The following BICC1 variants were observed in gnomAD, a reference collection of about 807,000 sequenced individuals.
BICC1 encodes BicC family RNA binding protein 1, also known as protein bicaudal C homolog 1.
In BICC1, 43 loss-of-function variants were observed where a neutral mutation model predicts 111.0. The ratio of observed to expected loss-of-function variants is 0.39; its 90% CI spans 0.30 to 0.50. BICC1 has a LOEUF of 0.50. Among genes scored for constraint, BICC1 ranks in the 20% least tolerant of loss-of-function variants. The pLI is 0.88. For synonymous variants in BICC1, 467 were observed against 434.4 expected (o/e 1.07, Z -0.93); for missense variants, 1,091 against 1,203.2 (o/e 0.91, Z 1.38).
intron 10 of BICC1, among the ~76,000 whole-genome samples, chr10:58,798,127 G>A (rs1203585870): frequency 6.6e-6 from 1 of 152,126 alleles, no homozygotes; most frequent in East Asian, 1.9e-4. Context: ...CAAGCACCTG[G>A]TGATGTTCAA....
chr10:58,745,171 C>T (rs183731378), intron 3 of BICC1, among the ~76,000 whole-genome samples: 4 of 152,162 alleles, frequency 2.6e-5, no homozygotes, highest in African/African-American at 4.8e-5. Flanking sequence ...TATGGCTGTC[C>T]ATAAAGTATT....
intron 2 of BICC1, among the ~76,000 whole-genome samples, chr10:58,630,342 GA>G (rs1256349848): frequency 6.6e-6 from 1 of 152,192 alleles, no homozygotes; most frequent in Non-Finnish European, 1.5e-5. Flanking sequence ...GCAGAAGACA[GA>G]GGGGGAAAAA....
chr10:58,800,776 A>G (rs1423016285), intron 13 of BICC1, 114 bp from the exon 14 acceptor site: 1 of 1,043,446 alleles, frequency 9.6e-7, no homozygotes, highest in Non-Finnish European at 1.3e-6. Context: ...GGTCTCTGTC[A>G]GGTTAATCAT....
Position 58,599,439 on chromosome 10 carries a change from G to C in BICC1, c.191-21416G>C, listed in dbSNP as rs147564903. Among the ~76,000 whole-genome samples, 1,119 of 152,278 alleles carry C rather than the reference G, an allele frequency of 7.3e-3. 13 individuals carry two copies. The highest frequency in any genetic ancestry group is 0.026 in the African/African-American group (1,062 of 41,556). Reference sequence around the variant, plus strand: ...ACTGCATGTTCTCACTCATAAGTGGGAGTTGGACAGTGAGAACACATGGAC... The same window carrying C: ...ACTGCATGTTCTCACTCATAAGTGGCAGTTGGACAGTGAGAACACATGGAC... On this transcript the variant is annotated intron_variant, in intron 1 of 20. Coordinates refer to ENST00000373886, the MANE Select transcript of BICC1 (RefSeq NM_001080512.3).
intron 2 of BICC1, among the ~76,000 whole-genome samples, chr10:58,646,265 GT>G (rs1838266502): frequency 6.6e-6 from 1 of 152,090 alleles, no homozygotes; most frequent in African/African-American, 2.4e-5. Flanking sequence ...TTTTAAATGC[GT>G]TGATCATATT....
intron 1 of BICC1, among the ~76,000 whole-genome samples, chr10:58,553,833 T>C (rs1843366446): frequency 6.6e-6 from 1 of 151,786 alleles, no homozygotes. Flanking sequence ...TTTTGGAACT[T>C]TGTCAATAGA....
At chr10:58,529,787 A>G (rs1339351603) in intron 1 of BICC1, among the ~76,000 whole-genome samples, 1 of 151,850 alleles carries the variant, frequency 6.6e-6, no homozygotes, top group East Asian at 1.9e-4. Flanking sequence ...GTACACAGAA[A>G]GATCACCTTC....
At chr10:58,616,536 C>T (rs951211414) in intron 1 of BICC1, among the ~76,000 whole-genome samples, 3 of 152,098 alleles carry the variant, frequency 2.0e-5, no homozygotes, top group Admixed American at 2.0e-4. Flanking sequence ...GGCTGAGGTT[C>T]GACTTAGGGG....
Position 58,789,285 on chromosome 10 carries a change from G to A in BICC1, c.624G>A (p.Met208Ile), listed in dbSNP as rs1428817624. The A allele has an allele frequency of 7.4e-6, 12 of 1,613,720 alleles. No homozygotes were observed. The highest frequency in any genetic ancestry group is 4.5e-5 in the East Asian group (2 of 44,868). ...RIRELLPLVL[M>I]FELPIAGILQ... Reference sequence around the variant, plus strand: ...AGGAGCTGCTTCCTTTGGTGCTGATGTTTGAGCTACCAATTGCTGGAATTC... The same window carrying A: ...AGGAGCTGCTTCCTTTGGTGCTGATATTTGAGCTACCAATTGCTGGAATTC... Residue 208 changes from methionine (M) to isoleucine (I), a missense_variant, in exon 7 of 21, where the codon ATG (methionine) becomes ATA (isoleucine). Physicochemically the swap from Met to Ile is conservative, Grantham distance 10 (BLOSUM62 1). Transcript: ENST00000373886.
intron 2 of BICC1, among the ~76,000 whole-genome samples, chr10:58,699,140 G>A (rs1840154334): frequency 6.6e-6 from 1 of 152,192 alleles, no homozygotes; most frequent in African/African-American, 2.4e-5. Flanking sequence ...AAGAGGTTTG[G>A]CATTTACTGT....
intron 5 of BICC1, 24 bp from the exon 6 acceptor site, chr10:58,788,346 C>T (rs1241822394): frequency 6.4e-7 from 1 of 1,560,988 alleles, no homozygotes; most frequent in African/African-American, 1.4e-5. Context: ...ATAAATCTAA[C>T]TTTGTATTTT....
intron 1 of BICC1, among the ~76,000 whole-genome samples, chr10:58,581,445 G>C (rs1844277429): frequency 6.6e-6 from 1 of 152,034 alleles, no homozygotes; most frequent in Non-Finnish European, 1.5e-5. Context: ...CTTTTCACAT[G>C]CCTCTGTTTT....
chr10:58,807,913 C>G (rs1335988734), intron 17 of BICC1, among the ~76,000 whole-genome samples: 1 of 152,138 alleles, frequency 6.6e-6, no homozygotes, highest in Non-Finnish European at 1.5e-5. Flanking sequence ...CCAGGAGTCA[C>G]AGTGTTCAAC....
chr10:58,529,008 T>A (rs1000785937), intron 1 of BICC1, among the ~76,000 whole-genome samples: 6 of 151,930 alleles, frequency 3.9e-5, no homozygotes, highest in Non-Finnish European at 8.8e-5. Context: ...ACAAGCTTTG[T>A]TTTCTAACAT....
At chr10:58,649,789 A>T (rs9971277) in intron 2 of BICC1, among the ~76,000 whole-genome samples, 148,393 of 152,244 alleles carry the variant, frequency 0.97, 72,431 homozygotes, top group East Asian at 1. Context: ...GGGATTACAT[A>T]GGTTCTACTG....
At chr10:58,608,370 G>C (rs1401977211) in intron 1 of BICC1, among the ~76,000 whole-genome samples, 1 of 152,068 alleles carries the variant, frequency 6.6e-6, no homozygotes, top group African/African-American at 2.4e-5. Flanking sequence ...TGTACCATCT[G>C]GCTCCTTCTA....
intron 2 of BICC1, among the ~76,000 whole-genome samples, chr10:58,652,260 T>C (rs1356505212): frequency 2.0e-5 from 3 of 152,182 alleles, no homozygotes; most frequent in Non-Finnish European, 2.9e-5. Context: ...AAAGAAAATT[T>C]ACTATTATTG....
chr10:58,673,633 A>AT, intron 2 of BICC1, among the ~76,000 whole-genome samples: 1 of 151,800 alleles, frequency 6.6e-6, no homozygotes, highest in Middle Eastern at 3.4e-3. Context: ...TTTCATTTTT[A>AT]TTTTTTGTGA....
At chr10:58,576,906 T>C (rs1408345284) in intron 1 of BICC1, among the ~76,000 whole-genome samples, 1 of 152,184 alleles carries the variant, frequency 6.6e-6, no homozygotes, top group Non-Finnish European at 1.5e-5. Context: ...ATTTTTTTCT[T>C]TATGGGATTC....
Sources: allele counts gnomAD v4.1 joint callset (sites outside exome capture counted in the v4.1 genomes callset), GRCh38; gene constraint gnomAD v4.1.1; transcripts MANE v1.5; gene names NCBI Gene and HGNC (gene_info 2026-07-23, HGNC 2026-07-21).